The following TTC6 variants were observed in gnomAD, a reference collection of about 807,000 sequenced individuals.
TTC6 encodes the protein tetratricopeptide repeat domain 6, also known as tetratricopeptide repeat protein 6.
In TTC6, 172 loss-of-function variants were observed where a neutral mutation model predicts 210.4. The ratio of observed to expected loss-of-function variants is 0.82; its 90% CI spans 0.72 to 0.93. TTC6 has a LOEUF of 0.93. TTC6 is among the 40% of genes least tolerant of loss of function. TTC6 has a pLI of 0.00. For synonymous variants in TTC6, 804 were observed against 819.6 expected (o/e 0.98, Z 0.32); for missense variants, 2,414 against 2,318.1 (o/e 1.04, Z -0.85).
At chr14:37,780,844 G>T (rs894682805) in intron 14 of TTC6, among the ~76,000 whole-genome samples, 3 of 152,014 alleles carry the variant, frequency 2.0e-5, no homozygotes, top group African/African-American at 2.4e-5. Flanking sequence ...TGTTCTCGTT[G>T]TTCATCTCCC....
exon 6 of TTC6, chr14:37,714,665 G>A (rs1399948352): frequency 1.3e-6 from 2 of 1,534,930 alleles, no homozygotes. Flanking sequence ...AATATTGTAT[G>A]GAATTCCTGT....
At chr14:37,723,801 A>G (rs542197996) in intron 6 of TTC6, among the ~76,000 whole-genome samples, 2 of 152,260 alleles carry the variant, frequency 1.3e-5, no homozygotes, top group Admixed American at 1.3e-4. Flanking sequence ...GTTTTATGAC[A>G]TTCTGCATTC....
intron 14 of TTC6, among the ~76,000 whole-genome samples, chr14:37,773,894 G>A (rs936165724): frequency 2.6e-5 from 4 of 152,124 alleles, no homozygotes; most frequent in African/African-American, 9.7e-5. Context: ...CATGAGCATG[G>A]AATGTTTTTT....
intron 1 of TTC6, among the ~76,000 whole-genome samples, chr14:37,648,961 G>T (rs1013828147): frequency 6.6e-6 from 1 of 152,002 alleles, no homozygotes; most frequent in Non-Finnish European, 1.5e-5. Flanking sequence ...AGATGTGCAA[G>T]AATCATGTTT....
At chr14:37,796,362 T>G (rs780051929) in exon 19 of TTC6, 1 of 1,187,020 alleles carries the variant, frequency 8.4e-7, no homozygotes, top group Non-Finnish European at 1.2e-6. Flanking sequence ...ATAGCAGAAA[T>G]GGACAAAGGT....
chr14:37,837,189 T>G (rs1436076227), intron 29 of TTC6: 1 of 255,604 alleles, frequency 3.9e-6, no homozygotes, highest in Admixed American at 5.5e-5. Flanking sequence ...GTTACACAGT[T>G]CAAAGTTCTT....
chr14:37,758,182 G>C (rs1044340145), intron 14 of TTC6, among the ~76,000 whole-genome samples: 6 of 152,136 alleles, frequency 3.9e-5, no homozygotes, highest in Admixed American at 3.9e-4. Flanking sequence ...GAGTTCTGTA[G>C]GTGTCTCTTA....
At chr14:37,813,998 G>A (rs1388539039) in intron 25 of TTC6, among the ~76,000 whole-genome samples, 1 of 152,192 alleles carries the variant, frequency 6.6e-6, no homozygotes, top group Non-Finnish European at 1.5e-5. Flanking sequence ...ACTGGCTTAA[G>A]GTTCCACTCT....
chr14:37,796,718 C>T (rs1208153444), intron 19 of TTC6, 69 bp from the exon 22 acceptor site: 4 of 1,388,998 alleles, frequency 2.9e-6, no homozygotes, highest in Non-Finnish European at 3.9e-6. Context: ...GAATTACTCC[C>T]TTAGAATAAT....
At position 37,747,200 on chromosome 14, in the gene TTC6, C is replaced by G. The variant is rs7155140; in HGVS notation, c.2364-1739C>G. Among the ~76,000 whole-genome samples the G allele has an allele frequency of 8.2e-3, 1,249 of 152,242 alleles. 22 individuals carry two copies. The highest frequency in any genetic ancestry group is 0.029 in the African/African-American group (1,199 of 41,548). On this transcript the variant is annotated intron_variant, in intron 10 of 30. Transcript: ENST00000553443. The stretch of plus-strand genomic sequence containing the variant: ...TTATACCACCACATGCCATGGATTA[C>G]CCATGTCCTATTTCAACCTGGCAAG...
intron 29 of TTC6, among the ~76,000 whole-genome samples, chr14:37,830,052 T>C (rs2096180886): frequency 6.6e-6 from 1 of 152,042 alleles, no homozygotes; most frequent in Non-Finnish European, 1.5e-5. Flanking sequence ...GAGGGGCTCC[T>C]GAGAACAATA....
intron 20 of TTC6, among the ~76,000 whole-genome samples, chr14:37,799,702 A>T (rs2096101577): frequency 6.6e-6 from 1 of 152,110 alleles, no homozygotes; most frequent in Non-Finnish European, 1.5e-5. Context: ...GGCCTTGAGG[A>T]CCTCAGGACA....
chr14:37,688,499 C>A (rs1326044110), intron 3 of TTC6, among the ~76,000 whole-genome samples: 1 of 152,056 alleles, frequency 6.6e-6, no homozygotes, highest in Non-Finnish European at 1.5e-5. Flanking sequence ...CAGAGCTGTG[C>A]TGGCTTCAGA....
intron 5 of TTC6, among the ~76,000 whole-genome samples, chr14:37,709,223 G>A (rs922622798): frequency 2.0e-5 from 3 of 152,002 alleles, no homozygotes; most frequent in East Asian, 3.9e-4. Flanking sequence ...GTGAGTTGGT[G>A]ATACATGTCA....
intron 1 of TTC6, among the ~76,000 whole-genome samples, chr14:37,655,314 A>G (rs2095720136): frequency 6.6e-6 from 1 of 152,226 alleles, no homozygotes; most frequent in South Asian, 2.1e-4. Flanking sequence ...AAATTCTAGG[A>G]AAAAAATGGA....
chr14:37,831,214 A>T (rs2096184226), intron 29 of TTC6, among the ~76,000 whole-genome samples: 1 of 152,076 alleles, frequency 6.6e-6, no homozygotes, highest in African/African-American at 2.4e-5. Context: ...ACTTAACATA[A>T]TGTCCTCTAT....
At chr14:37,836,203 CT>C (rs2096197517) in intron 29 of TTC6, among the ~76,000 whole-genome samples, 1 of 152,158 alleles carries the variant, frequency 6.6e-6, no homozygotes, top group Non-Finnish European at 1.5e-5. Context: ...TCAACCATAA[CT>C]TTCTCTTTCT....
intron 17 of TTC6, 59 bp downstream of exon 19, chr14:37,792,473 G>T: frequency 7.5e-7 from 1 of 1,332,080 alleles, no homozygotes; most frequent in South Asian, 1.8e-5. Context: ...CTGGATATTT[G>T]TTCAACATAA....
intron 1 of TTC6, among the ~76,000 whole-genome samples, chr14:37,666,756 C>T (rs2138445227): frequency 6.7e-6 from 1 of 150,362 alleles, no homozygotes; most frequent in Non-Finnish European, 1.5e-5. Flanking sequence ...AAGACAGTTA[C>T]CCAACCCCTG....
Sources: gnomAD v4.1 joint callset for allele counts (sites outside exome capture counted in the v4.1 genomes callset) on GRCh38, gnomAD v4.1.1 for gene constraint, MANE v1.5 for transcripts, NCBI Gene and HGNC (gene_info 2026-07-23, HGNC 2026-07-21) for gene names.